WDR83: variants seen among roughly 807,000 people sequenced by gnomAD.
The protein encoded by WDR83 is WD repeat domain 83.
In WDR83, 37 loss-of-function variants were observed where a neutral mutation model predicts 37.7. The ratio of observed to expected loss-of-function variants is 0.98; its 90% CI spans 0.76 to 1.29. The LOEUF (loss-of-function observed/expected upper bound fraction) is 1.29. Ranked by LOEUF, WDR83 falls within the 50% of genes most tolerant of loss-of-function variation. WDR83 has a pLI of 0.00. For synonymous variants in WDR83, 174 were observed against 181.1 expected (o/e 0.96, Z 0.31); for missense variants, 445 against 414.4 (o/e 1.07, Z -0.64).
At position 12,675,625 on chromosome 19, in the gene WDR83, C is replaced by T; in HGVS notation, c.901C>T (p.Gln301Ter). The change falls in exon 11 of 11, where the codon CAG (glutamine) becomes TAG (stop). Residue 301 changes from glutamine to a stop codon, truncating the protein, a stop_gained. Coordinates refer to ENST00000418543, the MANE Select transcript of WDR83 (RefSeq NM_001099737.3). LOFTEE classifies it high-confidence loss of function. ...GCTGACCGCCATGGGAGGCAGCGTC[C>T]AGTGCTGGCGAGAGGAGGCCTATGA... ...CLLTAMGGSVQCWREEAYEAE... is the reference protein window; with the variant it reads ...CLLTAMGGSV 6.2e-7 allele frequency: 1 copy of T among 1,603,152 alleles called. No homozygotes were observed. Among genetic ancestry groups the T allele is most frequent in the Non-Finnish European group, 8.5e-7 (1 of 1,179,864 alleles).
chr19:12,674,026 A>G (rs531156599), intron 10 of WDR83, among the ~76,000 whole-genome samples: 2 of 152,324 alleles, frequency 1.3e-5, no homozygotes, highest in East Asian at 3.9e-4. Flanking sequence ...TGAGGCAGGA[A>G]GGGCATTCCA....
Position 12,669,903 on chromosome 19 carries a change from T to G in WDR83, c.103+10T>G. On this transcript the variant is annotated intron_variant, in intron 3 of 10. Coordinates refer to ENST00000418543, the MANE Select transcript of WDR83 (RefSeq NM_001099737.3). ...GCCGTACGATTTAATGGTGAGCGCC[T>G]TCGTCTTCATTCCGGGTCCTCCTCC... 6.2e-7 allele frequency: 1 copy of G among 1,602,656 alleles called. No individual in the cohort carries two copies. Among genetic ancestry groups the G allele is most frequent in the Non-Finnish European group, 8.5e-7 (1 of 1,171,546 alleles).
chr19:12,670,648 T>C (rs763250938), intron 6 of WDR83, 37 bp downstream of exon 6: 2 of 1,614,222 alleles, frequency 1.2e-6, no homozygotes, highest in East Asian at 2.2e-5. Context: ...CCCAGGGTGC[T>C]GCCCTCCCCC....
intron 5 of WDR83, 127 bp from the exon 6 acceptor site, chr19:12,670,436 C>T: frequency 3.9e-6 from 6 of 1,520,506 alleles, no homozygotes; most frequent in Non-Finnish European, 5.4e-6. Context: ...TCACCAACCC[C>T]TGTCCTTGCT....
intron 7 of WDR83, chr19:12,672,576 C>G: frequency 2.1e-6 from 1 of 479,768 alleles, no homozygotes; most frequent in South Asian, 2.1e-5. Context: ...CCATTGCACT[C>G]CAGCCTGAGC....
rs1376561497 is a variant in WDR83, at chr19:12,670,732, C to G, written c.417C>G (p.Arg139=). 10 of 1,614,112 alleles carry G rather than the reference C, an allele frequency of 6.2e-6. No homozygotes were observed. Among genetic ancestry groups the G allele is most frequent in the Non-Finnish European group, 8.5e-6 (10 of 1,180,040 alleles). Residue 139 remains arginine (R), a synonymous_variant, in exon 7 of 11, where the codon CGC becomes CGG. Coordinates refer to ENST00000418543, the MANE Select transcript of WDR83 (RefSeq NM_001099737.3). ...CCAGTATCCGCTGTTGGGATTGCCG[C>G]TCACGGAGGCCTGAGCCAGTGCAGA... ...IDSSIRCWDC[R]SRRPEPVQTL...
chr19:12,673,906 G>C (rs2024493500), intron 10 of WDR83, among the ~76,000 whole-genome samples: 1 of 152,048 alleles, frequency 6.6e-6, no homozygotes, highest in South Asian at 2.1e-4. Context: ...CACCATGTTG[G>C]CCAGGCTGGT....
rs1350434554 is a variant in WDR83 at position 12,670,284 on chromosome 19, G to T, written c.329G>T (p.Gly110Val). ...QVVRKFRGHAGKVNTVQFNEE... is the reference protein window; with the variant it reads ...QVVRKFRGHAVKVNTVQFNEE... ...GTGCGCAAATTCCGGGGCCACGCAGGGGTGAGTGAAAGCCTGGAGACCCTC... is the reference window on the plus strand; with the variant it reads ...GTGCGCAAATTCCGGGGCCACGCAGTGGTGAGTGAAAGCCTGGAGACCCTC... The change falls in exon 5 of 11, where the codon GGG becomes GTG. Residue 110 changes from glycine to valine, a missense_variant and splice_region_variant. Coordinates refer to ENST00000418543, the MANE Select transcript of WDR83 (RefSeq NM_001099737.3). The T allele has an allele frequency of 1.2e-6, 2 of 1,613,570 alleles. No homozygotes were observed. Among genetic ancestry groups the T allele is most frequent in the Admixed American group, 1.7e-5 (1 of 59,954 alleles).
intron 4 of WDR83, 32 bp downstream of exon 4, chr19:12,670,129 C>A (rs1225679526): frequency 6.2e-7 from 1 of 1,606,850 alleles, no homozygotes; most frequent in Non-Finnish European, 8.5e-7. Flanking sequence ...GATGGGAGCG[C>A]TGAGGCTGGG....
In WDR83 at chr19:12,675,817, C is replaced by A. The variant is rs769577902; in HGVS notation, c.*145C>A. ...TTAATAAATAGAAGAGGGGGTAAGA[C>A]CTTCCTGGGACCGCAGCCGCTCAGT... On this transcript the variant is annotated 3_prime_UTR_variant, in exon 11 of 11. Coordinates refer to ENST00000418543, the MANE Select transcript of WDR83 (RefSeq NM_001099737.3). The A allele has an allele frequency of 3.2e-6, 5 of 1,576,412 alleles. No individual in the cohort carries two copies. The highest frequency in any genetic ancestry group is 2.7e-5 in the African/African-American group (2 of 73,628).
rs370493147 is a variant in WDR83 at position 12,673,127 on chromosome 19, G to A, written c.683+11G>A. On this transcript the variant is annotated intron_variant, in intron 9 of 10. Transcript: ENST00000418543. ...GGAGCTGCTGGGCGAGTGAGTCCTTGTGGTCGTGGGGATCCCCTTCCCTCC... is the reference window on the plus strand; with the variant it reads ...GGAGCTGCTGGGCGAGTGAGTCCTTATGGTCGTGGGGATCCCCTTCCCTCC... The A allele has an allele frequency of 1.2e-6, 2 of 1,612,282 alleles. No homozygotes were observed. Among genetic ancestry groups the A allele is most frequent in the African/African-American group, 2.7e-5 (2 of 74,850 alleles).
intron 10 of WDR83, among the ~76,000 whole-genome samples, chr19:12,674,313 A>C (rs2024507562): frequency 6.6e-6 from 1 of 152,226 alleles, no homozygotes; most frequent in Non-Finnish European, 1.5e-5. Context: ...GACATGTCCC[A>C]GCCTGGTGGG....
In WDR83 at chr19:12,675,772, G is replaced by A. The variant is rs886819138; in HGVS notation, c.*100G>A. 2.6e-6 allele frequency: 4 copies of A among 1,566,082 alleles called. No homozygotes were observed. The highest frequency in any genetic ancestry group is 2.7e-5 in the African/African-American group (2 of 73,410). On this transcript the variant is annotated 3_prime_UTR_variant, in exon 11 of 11. Transcript: ENST00000418543. ...GAGACGTAGCTGACCAAAAAGTAGG[G>A]GAGGGGCTGGGTCTGCAAATTAATA... is the stretch of plus-strand genomic sequence containing the variant.
chr19:12,671,844 C>T (rs758000221), intron 7 of WDR83, among the ~76,000 whole-genome samples: 1 of 151,896 alleles, frequency 6.6e-6, no homozygotes, highest in African/African-American at 2.4e-5. Flanking sequence ...ACTACAGTCG[C>T]GTGCCACCAC....
intron 1 of WDR83, chr19:12,668,217 G>A: frequency 1.2e-6 from 1 of 826,956 alleles, no homozygotes; most frequent in Non-Finnish European, 1.9e-6. Context: ...GAAAGGGCCA[G>A]GTTCCCTCTA....
intron 4 of WDR83, 22 bp from the exon 5 acceptor site, chr19:12,670,158 T>C (rs2024368862): frequency 6.2e-7 from 1 of 1,609,872 alleles, no homozygotes; most frequent in Non-Finnish European, 8.5e-7. Flanking sequence ...TCGATGCTGA[T>C]CCTCCTCCTC....
intron 1 of WDR83, among the ~76,000 whole-genome samples, chr19:12,667,208 G>A (rs765390254): frequency 2.6e-5 from 4 of 152,182 alleles, no homozygotes; most frequent in Non-Finnish European, 5.9e-5. Flanking sequence ...GATCCAGCCT[G>A]GTTGAGAAGG....
In WDR83 at chr19:12,668,578, T is replaced by G. The variant is rs756663344; in HGVS notation, c.-86T>G. The G allele has an allele frequency of 2.5e-6, 4 of 1,613,854 alleles. No homozygotes were observed. The South Asian group carries it at 4.4e-5, about 18-fold the overall frequency. Reference sequence around the variant, plus strand: ...GAGCTCCGAGAGTTGGCAAAGCTGATGAAGGAGCAGTAGACAGCGACCCAA... The same window carrying G: ...GAGCTCCGAGAGTTGGCAAAGCTGAGGAAGGAGCAGTAGACAGCGACCCAA... On this transcript the variant is annotated 5_prime_UTR_variant, in exon 2 of 11. The change abolishes an upstream ATG in the 5' untranslated region. Transcript: ENST00000418543.
intron 2 of WDR83, chr19:12,669,533 C>T: frequency 8.6e-7 from 1 of 1,161,304 alleles, no homozygotes; most frequent in South Asian, 1.4e-5. Context: ...GAGGCTTGGA[C>T]TCCCCTTACC....
Sources: allele counts gnomAD v4.1 joint callset (sites outside exome capture counted in the v4.1 genomes callset), GRCh38; gene constraint gnomAD v4.1.1; transcripts MANE v1.5; gene names NCBI Gene and HGNC (gene_info 2026-07-23, HGNC 2026-07-21).